KIF3C: variants seen among roughly 807,000 people sequenced by gnomAD.
The protein encoded by KIF3C is kinesin family member 3C.
A neutral mutation model predicts 67.7 loss-of-function variants in KIF3C; 12 were observed. The observed-to-expected ratio is 0.18, with a 90% CI of 0.11 to 0.29. KIF3C has a LOEUF of 0.29. Ranked by LOEUF, KIF3C falls within the 10% of genes least tolerant of loss-of-function variation. The pLI is 1.00. For missense variants in KIF3C, 789 were observed against 1,059.6 expected (o/e 0.74, Z 3.55); for synonymous variants, 393 against 426.2 (o/e 0.92, Z 0.96).
At chr2:25,960,301 G>A (rs1004583257) in intron 1 of KIF3C, among the ~76,000 whole-genome samples, 6 of 152,166 alleles carry the variant, frequency 3.9e-5, no homozygotes, top group Admixed American at 3.9e-4. Context: ...ATATTGTACT[G>A]AGATTCCCAG....
rs55857611 is a variant in KIF3C at position 25,963,197 on chromosome 2, T to TATATA, written c.1546-6754_1546-6753insTATAT. 7.3e-3 allele frequency among the ~76,000 whole-genome samples: 208 copies of TATATA among 28,666 alleles called. 12 individuals carry two copies. In the East Asian group the frequency reaches 0.081, roughly 11 times the overall value. The allele number at this position is 28,666 out of a possible 152,430, so 18.8% of individuals were successfully genotyped here. A position where few individuals can be genotyped will look rare whatever the true frequency, so the allele number is the denominator to read the frequency against. On this transcript the variant is annotated intron_variant, in intron 1 of 7. Transcript: ENST00000264712. Reference sequence around the variant, plus strand: ...GTGTATATATATATATATATATATATTTTTTTTTTTTTTTTTTTTTTTTTT... The same window carrying TATATA: ...GTGTATATATATATATATATATATATATATATTTTTTTTTTTTTTTTTTTTTTTTT...
chr2:25,979,495 G>T (rs1373487207), intron 1 of KIF3C, among the ~76,000 whole-genome samples: 2 of 152,152 alleles, frequency 1.3e-5, no homozygotes, highest in African/African-American at 4.8e-5. Context: ...CTATTTTACA[G>T]AAAGGTAAAC....
chr2:25,967,401 C>T (rs1664170671), intron 1 of KIF3C, among the ~76,000 whole-genome samples: 1 of 152,206 alleles, frequency 6.6e-6, no homozygotes, highest in Non-Finnish European at 1.5e-5. Context: ...AGTCGGGCTA[C>T]ACACTCTGCC....
At chr2:25,953,086 T>C (rs186505495) in intron 4 of KIF3C, among the ~76,000 whole-genome samples, 2 of 151,708 alleles carry the variant, frequency 1.3e-5, no homozygotes, top group Non-Finnish European at 2.9e-5. Context: ...CTGGCCAACA[T>C]GGCGAAACTC....
intron 1 of KIF3C, among the ~76,000 whole-genome samples, chr2:25,973,909 C>T (rs571855720): frequency 2.6e-5 from 4 of 152,100 alleles, no homozygotes; most frequent in Admixed American, 6.6e-5. Flanking sequence ...GACTCTGAAG[C>T]GCCTTGAATG....
chr2:25,931,998 G>GTTT (rs768781708), intron 5 of KIF3C, among the ~76,000 whole-genome samples: 7 of 113,076 alleles, frequency 6.2e-5, no homozygotes, highest in African/African-American at 1.1e-4. Flanking sequence ...TGTTTCTTCT[G>GTTT]TTTTGTTTTT....
At chr2:25,963,970 C>T (rs772551849) in intron 1 of KIF3C, among the ~76,000 whole-genome samples, 4 of 151,942 alleles carry the variant, frequency 2.6e-5, no homozygotes, top group Non-Finnish European at 5.9e-5. Context: ...GGATTACAGG[C>T]GTGAGCCACC....
At chr2:25,959,451 G>C (rs888018050) in intron 1 of KIF3C, among the ~76,000 whole-genome samples, 4 of 152,130 alleles carry the variant, frequency 2.6e-5, no homozygotes, top group African/African-American at 9.7e-5. Context: ...GGTTGTCCCA[G>C]AGTGGGTTCC....
rs1056918127 is a variant in KIF3C at position 25,955,299 on chromosome 2, T to C, written c.1770+242A>G. 2.0e-5 allele frequency among the ~76,000 whole-genome samples: 3 copies of C among 152,104 alleles called. No individual in the cohort carries two copies. Among genetic ancestry groups the C allele is most frequent in the Admixed American group, 6.6e-5 (1 of 15,252 alleles). On this transcript the variant is annotated intron_variant, in intron 3 of 7. Coordinates refer to ENST00000264712, the MANE Select transcript of KIF3C (RefSeq NM_002254.8). This position sits in a 1 kb window ranked among gnomAD's most constrained non-coding sequence, Gnocchi z 5.0. ...GGACCATGAAGATGGTAACGCTGGA[T>C]ACTGCAAGTGACAGAGTTTGCAGCC... is the stretch of plus-strand genomic sequence containing the variant.
chr2:25,967,214 T>C, intron 1 of KIF3C, among the ~76,000 whole-genome samples: 1 of 151,906 alleles, frequency 6.6e-6, no homozygotes, highest in East Asian at 1.9e-4. Flanking sequence ...CTTATGGGGG[T>C]CTCTGAGATA....
chr2:25,954,007 A>T (rs1663730270), intron 4 of KIF3C: 1 of 425,968 alleles, frequency 2.3e-6, no homozygotes, highest in Non-Finnish European at 4.2e-6. Context: ...ACTGATTCTT[A>T]TGCAAAGATG....
intron 5 of KIF3C, among the ~76,000 whole-genome samples, chr2:25,937,518 C>A (rs1663166145): frequency 6.6e-6 from 1 of 152,168 alleles, no homozygotes. Context: ...AGGAGACAGT[C>A]CTGCTGCAGA....
In KIF3C at chr2:25,958,350, G is replaced by A. The variant is rs976828374; in HGVS notation, c.1546-1906C>T. Among the ~76,000 whole-genome samples, 7 of 152,290 alleles carry A rather than the reference G, an allele frequency of 4.6e-5. No individual in the cohort carries two copies. Among genetic ancestry groups the A allele is most frequent in the African/African-American group, 1.7e-4 (7 of 41,560 alleles). ...AATCCCAGCACTTTGGGAAGTTGAGGTGGGCGGATCATCTGAGGTCAGGAG... is the reference window on the plus strand; with the variant it reads ...AATCCCAGCACTTTGGGAAGTTGAGATGGGCGGATCATCTGAGGTCAGGAG... On this transcript the variant is annotated intron_variant, in intron 1 of 7. Transcript: ENST00000264712. This position sits in a 1 kb window ranked among gnomAD's most constrained non-coding sequence, Gnocchi z 4.5.
chr2:25,951,452 A>G (rs1348631135), intron 5 of KIF3C: 3 of 264,406 alleles, frequency 1.1e-5, no homozygotes, highest in Non-Finnish European at 2.2e-5. Context: ...TATTTCGGGC[A>G]TCTGACAAAT....
At chr2:25,963,665 GTATTAT>G (rs72088886) in intron 1 of KIF3C, among the ~76,000 whole-genome samples, 5,283 of 125,748 alleles carry the variant, frequency 0.042, 107 homozygotes, top group African/African-American at 0.06. Flanking sequence ...TAGGCATGAA[GTATTAT>G]TATTATTATT....
chr2:25,951,217 C>T lies in KIF3C; in HGVS notation c.2006+572G>A, dbSNP rs573019385. Among the ~76,000 whole-genome samples, 5 of 152,188 alleles carry T rather than the reference C, an allele frequency of 3.3e-5. 1 individual carries two copies. In the South Asian group the frequency reaches 6.2e-4, roughly 19 times the overall value. On this transcript the variant is annotated intron_variant, in intron 5 of 7. Transcript: ENST00000264712. ...GGGAGCCACACACCCAGCCAATGGC[C>T]GCAGCTGCACCCAAGGACTAGGACA...
chr2:25,981,982 C>T lies in KIF3C; in HGVS notation c.-65G>A. On this transcript the variant is annotated 5_prime_UTR_variant, in exon 1 of 8. Coordinates refer to ENST00000264712, the MANE Select transcript of KIF3C (RefSeq NM_002254.8). The surrounding 1 kb of genome is among the most constrained non-coding windows in gnomAD (Gnocchi z 8.2). ...GCCTGGGCGGTCCTGCTATCCTGCTCGCTAGGTCGGGATCAGCGGGGCCGG... is the reference window on the plus strand; with the variant it reads ...GCCTGGGCGGTCCTGCTATCCTGCTTGCTAGGTCGGGATCAGCGGGGCCGG... 1 of 1,363,822 alleles carries T rather than the reference C, an allele frequency of 7.3e-7. No individual in the cohort carries two copies. The highest frequency in any genetic ancestry group is 9.8e-7 in the Non-Finnish European group (1 of 1,018,330). 84.5% of individuals were successfully genotyped at this position (1,363,822 alleles called of 1,614,324 possible).
At chr2:25,979,890 A>T (rs1300486863) in intron 1 of KIF3C, among the ~76,000 whole-genome samples, 2 of 152,220 alleles carry the variant, frequency 1.3e-5, no homozygotes, top group Non-Finnish European at 2.9e-5. Context: ...CAAAGGATCC[A>T]ATGAGATCAT....
At chr2:25,938,226 G>T in intron 5 of KIF3C, 1 of 443,360 alleles carries the variant, frequency 2.3e-6, no homozygotes, top group East Asian at 7.1e-5. Flanking sequence ...AGCTGAGCAT[G>T]GCACATACCT....
Sources: allele counts gnomAD v4.1 joint callset (sites outside exome capture counted in the v4.1 genomes callset), GRCh38; gene constraint gnomAD v4.1.1; non-coding constraint Gnocchi (gnomAD v3.1); transcripts MANE v1.5; gene names NCBI Gene and HGNC (gene_info 2026-07-23, HGNC 2026-07-21).